The following FAM161A variants were observed in gnomAD, a reference collection of about 807,000 sequenced individuals.
FAM161A encodes FAM161 centrosomal protein A.
FAM161A carries 57 observed loss-of-function variants against 70.9 expected under a neutral mutation model. The ratio of observed to expected loss-of-function variants is 0.80; its 90% CI spans 0.65 to 1.00. FAM161A has a LOEUF of 1.00. FAM161A is among the 50% of genes least tolerant of loss of function. The probability of loss-of-function intolerance (pLI) is 0.00; values close to 1 mark genes in which losing one functional copy is unlikely to be tolerated. For synonymous variants in FAM161A, 299 were observed against 295.7 expected (o/e 1.01, Z -0.12); for missense variants, 880 against 836.0 (o/e 1.05, Z -0.65).
At chr2:61,812,374 T>C in the FAM161A span, among the ~76,000 whole-genome samples, 1 of 152,186 alleles carries the variant, frequency 6.6e-6, no homozygotes, top group African/African-American at 2.4e-5. Context: ...TATGGATTAT[T>C]TATAAGTTAG....
the FAM161A span, among the ~76,000 whole-genome samples, chr2:61,811,352 C>A: frequency 6.6e-6 from 1 of 151,824 alleles, no homozygotes; most frequent in Non-Finnish European, 1.5e-5. Flanking sequence ...TATGCGCCGC[C>A]GCACCTGGCT....
At position 61,825,056 on chromosome 2, in the gene FAM161A, A is replaced by AT. The variant is rs1217628768; in HGVS notation, c.*1398dup. The AT allele has an allele frequency of 2.2e-6, 1 of 453,826 alleles. No homozygotes were observed. Among genetic ancestry groups the AT allele is most frequent in the Admixed American group, 2.4e-5 (1 of 42,528 alleles). The allele number at this position is 453,826 out of a possible 1,614,324, so 28.1% of individuals were successfully genotyped here. A position where few individuals can be genotyped will look rare whatever the true frequency, so the allele number is the denominator to read the frequency against. ...GCCCCTGATGGAGAAAAATGACCTTATTTTTAAATTTAAAGCATAAATTGC... is the reference window on the plus strand; with the variant it reads ...GCCCCTGATGGAGAAAAATGACCTTATTTTTTAAATTTAAAGCATAAATTGC... On this transcript the variant is annotated 3_prime_UTR_variant, in exon 7 of 7. Transcript: ENST00000404929.
the FAM161A span, among the ~76,000 whole-genome samples, chr2:61,810,642 T>C: frequency 2.6e-5 from 4 of 151,694 alleles, no homozygotes; most frequent in Non-Finnish European, 4.4e-5. Flanking sequence ...GTATTTTTAG[T>C]AAAGAGGGGG....
chr2:61,833,297 G>A (rs946177098), intron 5 of FAM161A, among the ~76,000 whole-genome samples: 2 of 151,696 alleles, frequency 1.3e-5, no homozygotes, highest in African/African-American at 2.4e-5. Flanking sequence ...ACGGTGGCGC[G>A]CACCTGTAAT....
In FAM161A at chr2:61,853,860, G is replaced by A. The variant is rs374779101; in HGVS notation, c.182C>T (p.Ser61Leu). ...EEKVAQPAGASADLNTSFSGV... is the reference protein window; with the variant it reads ...EEKVAQPAGALADLNTSFSGV... Reference sequence around the variant, plus strand: ...GCCCAAGTCCCGCCCCAGTATTACCGATGCCCCAGCGGGCTGAGCCACTTT... The same window carrying A: ...GCCCAAGTCCCGCCCCAGTATTACCAATGCCCCAGCGGGCTGAGCCACTTT... The change falls in exon 1 of 7, where the codon TCG becomes TTG. Residue 61 changes from serine (S) to leucine (L), a missense_variant and splice_region_variant. Coordinates refer to ENST00000404929, the MANE Select transcript of FAM161A (RefSeq NM_001201543.2). 87 of 1,613,758 alleles carry A rather than the reference G, an allele frequency of 5.4e-5. No individual in the cohort carries two copies. The highest frequency in any genetic ancestry group is 7.0e-5 in the Non-Finnish European group (83 of 1,179,816).
chr2:61,838,329 T>C (rs1046401729), intron 4 of FAM161A, among the ~76,000 whole-genome samples: 13 of 152,226 alleles, frequency 8.5e-5, no homozygotes, highest in Non-Finnish European at 1.5e-4. Flanking sequence ...CATAGCTTCA[T>C]GGTTCTCACC....
intron 6 of FAM161A, among the ~76,000 whole-genome samples, 169 bp from the exon 7 acceptor site, chr2:61,826,768 T>C (rs563015622): frequency 2.0e-4 from 31 of 152,312 alleles, no homozygotes; most frequent in East Asian, 5.8e-4. Flanking sequence ...AAAGTGCCCA[T>C]TGAGAAATTT....
chr2:61,804,760 AAAAGAAAGAG>A, the FAM161A span, among the ~76,000 whole-genome samples: 1,480 of 57,822 alleles, frequency 0.026, 15 homozygotes, highest in Non-Finnish European at 0.028. Context: ...GAAAGAAAGA[AAAAGAAAGAG>A]AAAGAAAGAA....
Position 61,838,661 on chromosome 2 carries a change from C to T in FAM161A, c.1628G>A (p.Arg543Gln), listed in dbSNP as rs374748539. The stretch of plus-strand genomic sequence containing the variant: ...TCTTTGCTTCTGTTTAGTTAGGATC[C>T]GATTTCTCTCTTCTTCCAACATTTT... ...EKKMLEEERN[R>Q]ILTKQKQRMK... The change falls in exon 4 of 7, where the codon CGG (arginine) becomes CAG (glutamine). Residue 543 changes from arginine (R) to glutamine (Q), a missense_variant. Coordinates refer to ENST00000404929, the MANE Select transcript of FAM161A (RefSeq NM_001201543.2). 35 of 1,608,926 alleles carry T rather than the reference C, an allele frequency of 2.2e-5. No homozygotes were observed. Among genetic ancestry groups the T allele is most frequent in the Middle Eastern group, 1.6e-4 (1 of 6,074 alleles).
rs563370774 is a variant in FAM161A at position 61,826,200 on chromosome 2, A to T, written c.*255T>A. The T allele has an allele frequency of 3.3e-6, 2 of 614,048 alleles. No homozygotes were observed. The highest frequency in any genetic ancestry group is 6.0e-6 in the Non-Finnish European group (2 of 331,986). 38.0% of individuals were successfully genotyped at this position (614,048 alleles called of 1,614,324 possible). On this transcript the variant is annotated 3_prime_UTR_variant, in exon 7 of 7. Coordinates refer to ENST00000404929, the MANE Select transcript of FAM161A (RefSeq NM_001201543.2). ...TCAGTTTGTGACAGCTGTGGTTCTCACTTTTTAAAAATACAAAATCATAGT... is the reference window on the plus strand; with the variant it reads ...TCAGTTTGTGACAGCTGTGGTTCTCTCTTTTTAAAAATACAAAATCATAGT...
At chr2:61,804,768 G>GGA in the FAM161A span, among the ~76,000 whole-genome samples, 2 of 119,038 alleles carry the variant, frequency 1.7e-5, no homozygotes, top group South Asian at 3.1e-4. Context: ...GAAAAAGAAA[G>GGA]AGAAAGAAAG....
chr2:61,848,625 C>T (rs1434340970), intron 1 of FAM161A, among the ~76,000 whole-genome samples: 1 of 150,516 alleles, frequency 6.6e-6, no homozygotes, highest in South Asian at 2.1e-4. Flanking sequence ...TAATCAGCAC[C>T]TATGAAGAAT....
the FAM161A span, among the ~76,000 whole-genome samples, chr2:61,810,806 T>A: frequency 1.3e-5 from 2 of 151,940 alleles, no homozygotes; most frequent in African/African-American, 2.4e-5. Context: ...CTGAACAAGG[T>A]CCCTGGCAAT....
the FAM161A span, among the ~76,000 whole-genome samples, chr2:61,807,448 T>C: frequency 1.3e-5 from 2 of 151,986 alleles, no homozygotes; most frequent in Non-Finnish European, 2.9e-5. Context: ...TGTCTGTTTG[T>C]TGTATGTCTC....
chr2:61,809,301 C>G, the FAM161A span, among the ~76,000 whole-genome samples: 1 of 152,162 alleles, frequency 6.6e-6, no homozygotes, highest in Non-Finnish European at 1.5e-5. Flanking sequence ...ACTGCAGTGG[C>G]CTGGGGCTCA....
intron 1 of FAM161A, chr2:61,846,754 C>A: frequency 3.0e-6 from 1 of 333,760 alleles, no homozygotes; most frequent in South Asian, 2.2e-5. Flanking sequence ...AAAGATGGGA[C>A]TTACTCCTTT....
At position 61,842,191 on chromosome 2, in the gene FAM161A, T is replaced by G; in HGVS notation, c.353A>C (p.Gln118Pro). 6.2e-7 allele frequency: 1 copy of G among 1,613,930 alleles called. No homozygotes were observed. The highest frequency in any genetic ancestry group is 8.5e-7 in the Non-Finnish European group (1 of 1,179,800). The change falls in exon 2 of 7, where the codon CAG becomes CCG. Residue 118 changes from glutamine (Q) to proline (P), a missense_variant. Gln to Pro is a moderately conservative substitution (Grantham distance 76). Coordinates refer to ENST00000404929, the MANE Select transcript of FAM161A (RefSeq NM_001201543.2). ...ETMAKLEKMY[Q>P]DKLHLKEVQP... is the part of the protein sequence containing the mutation. ...AACTTCCTTTAAATGTAATTTATCCTGGTACATTTTCTCTAATTTTGCCAT... is the reference window on the plus strand; with the variant it reads ...AACTTCCTTTAAATGTAATTTATCCGGGTACATTTTCTCTAATTTTGCCAT...
chr2:61,848,248 T>C (rs952944437), intron 1 of FAM161A, among the ~76,000 whole-genome samples: 3 of 152,224 alleles, frequency 2.0e-5, no homozygotes, highest in Admixed American at 1.3e-4. Flanking sequence ...GCAGGTCTGA[T>C]AAATTATACT....
chr2:61,853,822 A>T (rs1457268717), intron 1 of FAM161A, 37 bp downstream of exon 1: 2 of 1,612,618 alleles, frequency 1.2e-6, no homozygotes, highest in Non-Finnish European at 1.7e-6. Context: ...CACCCAGCCC[A>T]TGCGAGGTCC....
Sources: allele counts gnomAD v4.1 joint callset (sites outside exome capture counted in the v4.1 genomes callset), GRCh38; gene constraint gnomAD v4.1.1; transcripts MANE v1.5; gene names NCBI Gene and HGNC (gene_info 2026-07-23, HGNC 2026-07-21).